Variants in PRKAG2 observed in about 807,000 individuals in gnomAD.
PRKAG2 encodes the protein 5'-AMP-activated protein kinase subunit gamma-2.
A neutral mutation model predicts 69.6 loss-of-function variants in PRKAG2; 26 were observed. The observed-to-expected ratio is 0.37, with a 90% CI of 0.27 to 0.52. The LOEUF (loss-of-function observed/expected upper bound fraction) is 0.52, where lower values mean the gene tolerates loss of function less well. Among genes scored for constraint, PRKAG2 ranks in the 20% least tolerant of loss-of-function variants. The pLI is 0.90. For synonymous variants in PRKAG2, 293 were observed against 285.0 expected, an observed-to-expected ratio of 1.03 and a Z score of -0.28; for missense variants, 557 against 740.0, an observed-to-expected ratio of 0.75 and a Z score of 2.87.
chr7:151,758,781 G>A (rs963318262), intron 3 of PRKAG2, among the ~76,000 whole-genome samples: 2 of 152,242 alleles, frequency 1.3e-5, no homozygotes, highest in African/African-American at 4.8e-5. Flanking sequence ...GTTATCACGA[G>A]AGAACACAGA....
At chr7:151,735,180 G>A (rs978353382) in intron 3 of PRKAG2, among the ~76,000 whole-genome samples, 1 of 152,060 alleles carries the variant, frequency 6.6e-6, no homozygotes, top group Non-Finnish European at 1.5e-5. Context: ...AATGAAATCT[G>A]ACATCTAATT....
At chr7:151,816,378 C>G (rs1180049392) in intron 1 of PRKAG2, among the ~76,000 whole-genome samples, 2 of 152,020 alleles carry the variant, frequency 1.3e-5, no homozygotes, top group Non-Finnish European at 2.9e-5. Flanking sequence ...TGGGATGTTC[C>G]TCAAGGTCCC....
At chr7:151,683,566 A>G (rs778586073) in intron 3 of PRKAG2, among the ~76,000 whole-genome samples, 1 of 152,206 alleles carries the variant, frequency 6.6e-6, no homozygotes, top group Non-Finnish European at 1.5e-5. Context: ...AAGAGCCATG[A>G]AGTGAGAAGA....
chr7:151,636,502 C>T (rs896639137), intron 4 of PRKAG2, among the ~76,000 whole-genome samples: 11 of 152,266 alleles, frequency 7.2e-5, no homozygotes, highest in South Asian at 2.1e-4. Context: ...GACTGCTGAA[C>T]GATACTCTGT....
At chr7:151,621,782 C>G in intron 5 of PRKAG2, among the ~76,000 whole-genome samples, 1 of 152,024 alleles carries the variant, frequency 6.6e-6, no homozygotes, top group East Asian at 1.9e-4. Flanking sequence ...GCCATGGTGC[C>G]CAGGCTGGTC....
intron 4 of PRKAG2, among the ~76,000 whole-genome samples, chr7:151,671,020 A>T (rs537011774): frequency 6.6e-6 from 1 of 152,210 alleles, no homozygotes; most frequent in African/African-American, 2.4e-5. Context: ...CTAAAAATAT[A>T]AAAATTAGCT....
chr7:151,813,757 C>T (rs1346708314), intron 1 of PRKAG2, among the ~76,000 whole-genome samples: 1 of 152,192 alleles, frequency 6.6e-6, no homozygotes, highest in Admixed American at 6.5e-5. Flanking sequence ...CTCTCCCCCA[C>T]TCCCCTCCCA....
intron 15 of PRKAG2, chr7:151,558,553 G>T: frequency 1.1e-6 from 1 of 921,134 alleles, no homozygotes; most frequent in Non-Finnish European, 1.3e-6. Flanking sequence ...TTGGCCTCAC[G>T]GTGGGGGCCT....
chr7:151,616,726 G>T (rs953026316), intron 5 of PRKAG2, among the ~76,000 whole-genome samples: 14 of 152,234 alleles, frequency 9.2e-5, no homozygotes, highest in African/African-American at 3.4e-4. Flanking sequence ...AGCCTTCACG[G>T]CCAAGGGGAT....
At position 151,670,130 on chromosome 7, in the gene PRKAG2, GCA is replaced by G. The variant is rs779205874; in HGVS notation, c.684+5288_684+5289del. Among the ~76,000 whole-genome samples the G allele has an allele frequency of 2.2e-3, 314 of 140,892 alleles. 1 individual carries two copies. Among genetic ancestry groups the G allele is most frequent in the Non-Finnish European group, 3.9e-3 (250 of 64,372 alleles). 92.4% of individuals were successfully genotyped at this position (140,892 alleles called of 152,430 possible). On this transcript the variant is annotated intron_variant, in intron 4 of 15. Transcript: ENST00000287878. ...CACCTGCATGCACACACACTTGCAT[GCA>G]CACACACCTGTGCACACACCTGCAT...
At chr7:151,586,293 C>A (rs559859591) in intron 6 of PRKAG2, among the ~76,000 whole-genome samples, 2 of 151,414 alleles carry the variant, frequency 1.3e-5, no homozygotes, top group African/African-American at 4.9e-5. Flanking sequence ...CGGCCGTCTA[C>A]GCAACAGCCA....
At chr7:151,606,266 A>G (rs961352164) in intron 5 of PRKAG2, among the ~76,000 whole-genome samples, 1 of 152,212 alleles carries the variant, frequency 6.6e-6, no homozygotes, top group African/African-American at 2.4e-5. Flanking sequence ...AATCACAACA[A>G]AAGTATAAGC....
chr7:151,770,873 G>A (rs904706591), intron 3 of PRKAG2, among the ~76,000 whole-genome samples: 1 of 152,156 alleles, frequency 6.6e-6, no homozygotes, highest in Non-Finnish European at 1.5e-5. Flanking sequence ...CCCCATCCCC[G>A]ACTTTAGCAT....
chr7:151,600,739 G>C (rs1158306498), intron 5 of PRKAG2, among the ~76,000 whole-genome samples: 5 of 152,034 alleles, frequency 3.3e-5, no homozygotes, highest in Non-Finnish European at 7.4e-5. Flanking sequence ...TCTTGCCCTT[G>C]TTCACTCACT....
chr7:151,700,178 T>G (rs1240702969), intron 3 of PRKAG2, among the ~76,000 whole-genome samples: 2 of 152,198 alleles, frequency 1.3e-5, no homozygotes, highest in Non-Finnish European at 2.9e-5. Context: ...CAGCTCCTTC[T>G]GCAGCAGTGT....
chr7:151,849,555 G>A (rs987293755), intron 1 of PRKAG2, among the ~76,000 whole-genome samples: 10 of 152,192 alleles, frequency 6.6e-5, no homozygotes, highest in South Asian at 2.1e-4. Context: ...CAACAGAAAC[G>A]GATTCTCTCA....
chr7:151,736,475 C>T (rs117397400), intron 3 of PRKAG2: 19 of 864,440 alleles, frequency 2.2e-5, no homozygotes, highest in Admixed American at 6.3e-5. Context: ...CATGTGCAGC[C>T]GTGCATGATG....
intron 14 of PRKAG2, 142 bp downstream of exon 14, chr7:151,563,936 G>A (rs1805652071): frequency 1.0e-5 from 11 of 1,100,850 alleles, no homozygotes; most frequent in Non-Finnish European, 1.4e-5. Context: ...CAGGTTCTGG[G>A]ACAGGAGGGA....
chr7:151,657,483 T>G (rs1332960751), intron 4 of PRKAG2, among the ~76,000 whole-genome samples: 2 of 152,206 alleles, frequency 1.3e-5, no homozygotes, highest in Non-Finnish European at 2.9e-5. Flanking sequence ...TGCCATTTGG[T>G]AAAATGAAAA....
Sources: gnomAD v4.1 joint callset for allele counts (sites outside exome capture counted in the v4.1 genomes callset) on GRCh38, gnomAD v4.1.1 for gene constraint, MANE v1.5 for transcripts, NCBI Gene and HGNC (gene_info 2026-07-23, HGNC 2026-07-21) for gene names.